Variants in CPAMD8 observed in about 807,000 individuals in gnomAD.
CPAMD8 encodes the protein C3 and PZP like alpha-2-macroglobulin domain containing 8.
Under a neutral mutation model 224.7 loss-of-function variants are expected in CPAMD8, and 146 were observed. That is an observed-to-expected ratio of 0.65 (90% CI 0.57 to 0.75). CPAMD8 has a LOEUF of 0.75. Among genes scored for constraint, CPAMD8 ranks in the 30% least tolerant of loss-of-function variants. The probability of loss-of-function intolerance (pLI) is 0.00; values close to 1 mark genes in which losing one functional copy is unlikely to be tolerated. For missense variants in CPAMD8, 2,301 were observed against 2,537.5 expected (o/e 0.91, Z 2.00); for synonymous variants, 966 against 1,044.6 (o/e 0.92, Z 1.45).
At chr19:16,922,597 C>T (rs1224173865) in intron 26 of CPAMD8, among the ~76,000 whole-genome samples, 2 of 150,244 alleles carry the variant, frequency 1.3e-5, no homozygotes, top group Non-Finnish European at 3.0e-5. Context: ...AACTGCTCCA[C>T]ATCACATCTA....
chr19:16,897,663 G>T, intron 39 of CPAMD8, 28 bp downstream of exon 39: 2 of 1,301,632 alleles, frequency 1.5e-6, no homozygotes, highest in South Asian at 1.4e-5. Context: ...GGCCGCGGTG[G>T]GGGGCGGCAG....
At chr19:17,019,664 T>C (rs1300067615) in intron 3 of CPAMD8, among the ~76,000 whole-genome samples, 1 of 151,776 alleles carries the variant, frequency 6.6e-6, no homozygotes, top group Non-Finnish European at 1.5e-5. Context: ...CAAGCGATCC[T>C]CCTACCTCAG....
At chr19:16,947,286 G>A in intron 20 of CPAMD8, 59 bp from the exon 21 acceptor site, 2 of 1,564,972 alleles carry the variant, frequency 1.3e-6, no homozygotes, top group Non-Finnish European at 1.7e-6. Flanking sequence ...CCAGTGCCTG[G>A]AGGCCCAACA....
intron 36 of CPAMD8, 41 bp downstream of exon 36, chr19:16,901,169 C>G: frequency 6.8e-7 from 1 of 1,469,088 alleles, no homozygotes; most frequent in Non-Finnish European, 9.3e-7. Context: ...ACCTATTGTT[C>G]AGAGATCCCT....
chr19:16,901,250 A>T lies in CPAMD8; in HGVS notation c.4733T>A (p.Leu1578Gln). The T allele has an allele frequency of 6.2e-7, 1 of 1,612,838 alleles. No individual in the cohort carries two copies. Among genetic ancestry groups the T allele is most frequent in the Non-Finnish European group, 8.5e-7 (1 of 1,179,660 alleles). The change falls in exon 36 of 42, where the codon CTG becomes CAG. Residue 1578 changes from leucine (L) to glutamine (Q), a missense_variant. Transcript: ENST00000443236. The stretch of plus-strand genomic sequence containing the variant: ...GATGTCTGCCCGGAAGCCTGACAGC[A>T]GGGGCACCTCCAGGACAGCCATATT... ...SSNMAVLEVPLLSGFRADIES... is the reference protein window; with the variant it reads ...SSNMAVLEVPQLSGFRADIES...
intron 25 of CPAMD8, among the ~76,000 whole-genome samples, chr19:16,927,527 A>G: frequency 6.6e-6 from 1 of 151,874 alleles, no homozygotes; most frequent in Non-Finnish European, 1.5e-5. Context: ...GCTGCTTCCA[A>G]TGTCCCTAGT....
chr19:16,948,957 AG>A (rs2054209988), intron 20 of CPAMD8, among the ~76,000 whole-genome samples: 1 of 38,930 alleles, frequency 2.6e-5, no homozygotes, highest in Non-Finnish European at 4.6e-5. Context: ...GGGGGAGGGG[AG>A]GGGGAGGGGA....
intron 41 of CPAMD8, 124 bp downstream of exon 41, chr19:16,896,052 G>T: frequency 9.3e-7 from 1 of 1,076,582 alleles, no homozygotes. Context: ...CACTCCCACT[G>T]CCAGTGGGGG....
chr19:16,999,323 G>A (rs149244207), intron 10 of CPAMD8, among the ~76,000 whole-genome samples: 4,708 of 152,218 alleles, frequency 0.031, 99 homozygotes, highest in Non-Finnish European at 0.044. Context: ...GCTCACGCCT[G>A]TAATCCCAGC....
intron 14 of CPAMD8, among the ~76,000 whole-genome samples, chr19:16,978,844 C>G (rs1048438275): frequency 6.6e-6 from 1 of 151,700 alleles, no homozygotes; most frequent in African/African-American, 2.4e-5. Context: ...ACCCACCATC[C>G]ACCCTTCCCT....
intron 18 of CPAMD8, among the ~76,000 whole-genome samples, chr19:16,959,438 G>T (rs552641856): frequency 6.6e-6 from 1 of 152,032 alleles, no homozygotes; most frequent in African/African-American, 2.4e-5. Flanking sequence ...GCCTCCCAAA[G>T]TGCTGGGATT....
At chr19:16,954,157 AC>A (rs1289160382) in intron 19 of CPAMD8, among the ~76,000 whole-genome samples, 1 of 152,000 alleles carries the variant, frequency 6.6e-6, no homozygotes, top group Non-Finnish European at 1.5e-5. Flanking sequence ...AGTGGGTGAA[AC>A]CCCGTCTCTA....
At chr19:16,949,308 C>A (rs1270157173) in intron 20 of CPAMD8, among the ~76,000 whole-genome samples, 1 of 152,158 alleles carries the variant, frequency 6.6e-6, no homozygotes, top group Middle Eastern at 3.2e-3. Flanking sequence ...CCAAGCCGGA[C>A]ATCTGGGGAT....
In CPAMD8 at chr19:16,942,256, G is replaced by A. The variant is rs141861853; in HGVS notation, c.2793+3293C>T. On this transcript the variant is annotated intron_variant, in intron 22 of 41. Transcript: ENST00000443236. ...GCGGGCGGGTCACCTGAGGTCAGGC[G>A]TTCAAGACCAACCTGGCCAACATGG... is the stretch of plus-strand genomic sequence containing the variant. Among the ~76,000 whole-genome samples the A allele has an allele frequency of 2.3e-3, 344 of 152,212 alleles. 1 individual carries two copies. The highest frequency in any genetic ancestry group is 0.012 in the East Asian group (62 of 5,162).
intron 7 of CPAMD8, among the ~76,000 whole-genome samples, chr19:17,006,385 T>C (rs1438779318): frequency 6.6e-6 from 1 of 152,058 alleles, no homozygotes; most frequent in African/African-American, 2.4e-5. Flanking sequence ...TAGCTGGGCT[T>C]GGTGGCACGC....
intron 11 of CPAMD8, among the ~76,000 whole-genome samples, chr19:16,996,134 A>G: frequency 6.6e-6 from 1 of 152,132 alleles, no homozygotes; most frequent in Admixed American, 6.5e-5. Context: ...TGGGCGACAG[A>G]GCGAGACTCT....
chr19:16,969,161 G>A (rs1202905863), intron 18 of CPAMD8, among the ~76,000 whole-genome samples: 1 of 152,174 alleles, frequency 6.6e-6, no homozygotes, highest in Non-Finnish European at 1.5e-5. Context: ...CCTCAGACAG[G>A]TCAGCTCTCC....
chr19:16,946,972 T>C (rs1400746067), intron 21 of CPAMD8, 102 bp downstream of exon 21: 4 of 1,269,552 alleles, frequency 3.2e-6, no homozygotes, highest in Non-Finnish European at 4.4e-6. Flanking sequence ...GTCCTGACCT[T>C]ACCTGCTGCC....
At position 16,941,888 on chromosome 19, in the gene CPAMD8, G is replaced by A. The variant is rs187552302; in HGVS notation, c.2794-3442C>T. Among the ~76,000 whole-genome samples, 37 of 152,212 alleles carry A rather than the reference G, an allele frequency of 2.4e-4. No individual in the cohort carries two copies. The East Asian group carries it at 5.8e-3, about 24-fold the overall frequency. ...TTCGGGAGGCTGAGGCAGGAGACTC[G>A]CTTGAACAAGGAGGCTGGAGGTTGC... On this transcript the variant is annotated intron_variant, in intron 22 of 41. Transcript: ENST00000443236.
Sources: gnomAD v4.1 joint callset for allele counts (sites outside exome capture counted in the v4.1 genomes callset) on GRCh38, gnomAD v4.1.1 for gene constraint, MANE v1.5 for transcripts, NCBI Gene and HGNC (gene_info 2026-07-23, HGNC 2026-07-21) for gene names.